The following KIF5C variants were observed in gnomAD, a reference collection of about 807,000 sequenced individuals.
The protein encoded by KIF5C is kinesin heavy chain isoform 5C.
Under a neutral mutation model 125.2 loss-of-function variants are expected in KIF5C, and 18 were observed. The observed-to-expected ratio is 0.14, with a 90% CI of 0.10 to 0.21. The LOEUF is 0.21. Ranked by LOEUF, KIF5C falls within the 10% of genes least tolerant of loss-of-function variation. KIF5C has a pLI of 1.00. For missense variants in KIF5C, 780 were observed against 1,183.8 expected (o/e 0.66, Z 5.01); for synonymous variants, 405 against 434.0 (o/e 0.93, Z 0.83).
chr2:148,942,898 G>C, intron 7 of KIF5C, 138 bp downstream of exon 7: 4 of 1,423,402 alleles, frequency 2.8e-6, no homozygotes, highest in Non-Finnish European at 3.8e-6. Context: ...GGACACAGAC[G>C]CCAGGGTATG....
chr2:149,011,841 C>A (rs1682217868), intron 25 of KIF5C, among the ~76,000 whole-genome samples, 158 bp downstream of exon 25: 1 of 152,240 alleles, frequency 6.6e-6, no homozygotes, highest in African/African-American at 2.4e-5. Flanking sequence ...CAGACCTGTC[C>A]TCACTTAGTC....
In KIF5C at chr2:148,994,486, A is replaced by T. The variant is rs1208872369; in HGVS notation, c.1971A>T (p.Leu657=). ...ACATGGAACAGAAGAGGAGGCAGCT[A>T]GAAGAGTCCCAGGACTCGCTCAGCG... ...MQNMEQKRRQ[L]EESQDSLSEE... The change falls in exon 17 of 26, where the codon CTA becomes CTT. Residue 657 remains leucine (L), a synonymous_variant. Transcript: ENST00000435030. 1.9e-6 allele frequency: 3 copies of T among 1,576,496 alleles called. No homozygotes were observed. The highest frequency in any genetic ancestry group is 2.6e-6 in the Non-Finnish European group (3 of 1,161,112).
chr2:148,936,636 A>G (rs1036425810), intron 3 of KIF5C, among the ~76,000 whole-genome samples: 1 of 152,242 alleles, frequency 6.6e-6, no homozygotes, highest in African/African-American at 2.4e-5. Flanking sequence ...TGAGTAAAGT[A>G]GAAAAGCGGG....
At chr2:148,992,872 T>G (rs955347141) in intron 16 of KIF5C, among the ~76,000 whole-genome samples, 2 of 152,248 alleles carry the variant, frequency 1.3e-5, no homozygotes, top group Non-Finnish European at 2.9e-5. Flanking sequence ...AGGTCATCTA[T>G]GATACCAAAA....
At chr2:148,890,036 G>C (rs1482623373) in intron 1 of KIF5C, among the ~76,000 whole-genome samples, 1 of 152,106 alleles carries the variant, frequency 6.6e-6, no homozygotes, top group Non-Finnish European at 1.5e-5. Flanking sequence ...TATTGCGTAG[G>C]TTTAGTCACT....
chr2:148,887,759 C>T (rs1681582539), intron 1 of KIF5C, among the ~76,000 whole-genome samples: 1 of 151,880 alleles, frequency 6.6e-6, no homozygotes, highest in Admixed American at 6.6e-5. Flanking sequence ...GTATCTTGCA[C>T]CCAGGCAGGG....
chr2:148,892,862 TA>T (rs1416073661), intron 1 of KIF5C, among the ~76,000 whole-genome samples: 2 of 152,358 alleles, frequency 1.3e-5, no homozygotes, highest in East Asian at 3.9e-4. Context: ...AACTGTCTTC[TA>T]AAAAATTTTC....
At chr2:149,014,222 A>G (rs963734493) in intron 25 of KIF5C, among the ~76,000 whole-genome samples, 5 of 152,168 alleles carry the variant, frequency 3.3e-5, no homozygotes, top group African/African-American at 1.2e-4. Flanking sequence ...ACAGGGTTTC[A>G]CCATGTTGGC....
At chr2:148,892,325 C>A (rs1681728665) in intron 1 of KIF5C, among the ~76,000 whole-genome samples, 3 of 152,216 alleles carry the variant, frequency 2.0e-5, no homozygotes. Flanking sequence ...GTGTTGCTCT[C>A]ATTCTCTGCC....
chr2:149,000,277 G>A, intron 19 of KIF5C, 146 bp from the exon 20 acceptor site: 1 of 940,852 alleles, frequency 1.1e-6, no homozygotes, highest in Non-Finnish European at 1.5e-6. Context: ...AAGCTGTGAG[G>A]CTGTTCTGTG....
At chr2:148,969,257 C>T (rs990717140) in intron 11 of KIF5C, among the ~76,000 whole-genome samples, 2 of 152,008 alleles carry the variant, frequency 1.3e-5, no homozygotes, top group East Asian at 1.9e-4. Flanking sequence ...ATGTTATTTA[C>T]GCCCTCTGGG....
At chr2:149,021,138 C>T (rs1480148222) in intron 25 of KIF5C, among the ~76,000 whole-genome samples, 1 of 152,208 alleles carries the variant, frequency 6.6e-6, no homozygotes, top group Non-Finnish European at 1.5e-5. Context: ...TCTCGGCTCA[C>T]TGCAACCTCT....
chr2:148,972,028 G>A (rs1680928069), intron 11 of KIF5C, among the ~76,000 whole-genome samples: 1 of 152,064 alleles, frequency 6.6e-6, no homozygotes, highest in African/African-American at 2.4e-5. Flanking sequence ...TTCGCCTCTC[G>A]GGTTCAAGCG....
chr2:148,935,422 G>A (rs1341466548), intron 3 of KIF5C, among the ~76,000 whole-genome samples: 1 of 152,160 alleles, frequency 6.6e-6, no homozygotes, highest in Non-Finnish European at 1.5e-5. Flanking sequence ...TGGTAGGGGA[G>A]GTCTTTTGAT....
chr2:148,898,470 A>T (rs1321742211), intron 1 of KIF5C, among the ~76,000 whole-genome samples: 3 of 152,218 alleles, frequency 2.0e-5, no homozygotes, highest in African/African-American at 7.2e-5. Context: ...TTGCAGATGG[A>T]GTTATGGTTG....
intron 8 of KIF5C, among the ~76,000 whole-genome samples, chr2:148,948,826 A>G (rs1051526470): frequency 6.6e-6 from 1 of 152,242 alleles, no homozygotes; most frequent in Non-Finnish European, 1.5e-5. Context: ...TTAAAATAAC[A>G]GTGCTTAAAA....
chr2:148,939,036 A>G (rs573437741), intron 4 of KIF5C, among the ~76,000 whole-genome samples: 4 of 151,194 alleles, frequency 2.6e-5, no homozygotes, highest in Non-Finnish European at 5.9e-5. Context: ...CAGAGGTTGC[A>G]GTGAGCTGAG....
intron 7 of KIF5C, among the ~76,000 whole-genome samples, 154 bp downstream of exon 7, chr2:148,942,914 TA>T (rs1682440845): frequency 6.6e-6 from 1 of 152,180 alleles, no homozygotes; most frequent in Non-Finnish European, 1.5e-5. Flanking sequence ...GTATGTGTGC[TA>T]TGAGTATGTC....
intron 1 of KIF5C, among the ~76,000 whole-genome samples, chr2:148,916,637 C>CT (rs78047469): frequency 1.3e-3 from 185 of 147,076 alleles, no homozygotes; most frequent in African/African-American, 2.9e-3. Context: ...TGGTCACCAA[C>CT]TTTTTTTTTT....
Sources: allele counts gnomAD v4.1 joint callset (sites outside exome capture counted in the v4.1 genomes callset), GRCh38; gene constraint gnomAD v4.1.1; transcripts MANE v1.5; gene names NCBI Gene and HGNC (gene_info 2026-07-23, HGNC 2026-07-21).